Variants in PHC3 observed in about 807,000 individuals in gnomAD.
PHC3 encodes polyhomeotic homolog 3.
A neutral mutation model predicts 107.4 loss-of-function variants in PHC3; 13 were observed. That is an observed-to-expected ratio of 0.12 (90% CI 0.08 to 0.19). The LOEUF (loss-of-function observed/expected upper bound fraction) is 0.19. Among genes scored for constraint, PHC3 ranks in the 10% least tolerant of loss-of-function variants. The probability of loss-of-function intolerance (pLI) is 1.00; values close to 1 mark genes in which losing one functional copy is unlikely to be tolerated. For missense variants in PHC3, 992 were observed against 1,210.9 expected (o/e 0.82, Z 2.68); for synonymous variants, 456 against 427.4 (o/e 1.07, Z -0.83).
chr3:170,161,669 C>G (rs1252621819), intron 4 of PHC3, among the ~76,000 whole-genome samples: 1 of 152,164 alleles, frequency 6.6e-6, no homozygotes, highest in Non-Finnish European at 1.5e-5. Flanking sequence ...TGGCCTGACC[C>G]CTGACTTAAA....
intron 10 of PHC3, among the ~76,000 whole-genome samples, chr3:170,116,947 C>T (rs1043252533): frequency 1.3e-5 from 2 of 151,958 alleles, no homozygotes; most frequent in Non-Finnish European, 2.9e-5. Flanking sequence ...AAGTTGATTT[C>T]ACTGAATAAA....
At position 170,089,914 on chromosome 3, in the gene PHC3, C is replaced by CAAAAAAAAAAA. The variant is rs1178846219; in HGVS notation, c.*7305_*7315dup. ...CCTGGGCAACAGAGCGAACCCATCTCAAAAAAAAAAAAAAGAAAAAAAAAA... is the reference window on the plus strand; with the variant it reads ...CCTGGGCAACAGAGCGAACCCATCTCAAAAAAAAAAAAAAAAAAAAAAAAAGAAAAAAAAAA... On this transcript the variant is annotated 3_prime_UTR_variant, in exon 15 of 15. Transcript: ENST00000495893. The CAAAAAAAAAAA allele has an allele frequency of 2.3e-5, 1 of 43,616 alleles. No individual in the cohort carries two copies. Among genetic ancestry groups the CAAAAAAAAAAA allele is most frequent in the Non-Finnish European group, 5.3e-5 (1 of 19,010 alleles). The allele number at this position is 43,616 out of a possible 1,614,324, so 2.7% of individuals were successfully genotyped here. A position where few individuals can be genotyped will look rare whatever the true frequency, so the allele number is the denominator to read the frequency against.
In PHC3 at chr3:170,151,061, A is replaced by C. The variant is rs140198331; in HGVS notation, c.415-1817T>G. Among the ~76,000 whole-genome samples, 594 of 152,156 alleles carry C rather than the reference A, an allele frequency of 3.9e-3. 19 individuals are homozygous for C. The East Asian group carries it at 0.098, about 25-fold the overall frequency. Reference sequence around the variant, plus strand: ...TCCCATTTCTACTAAAAATACAAAAATTAGCCAGGTGTGATGGCACGCGCC... The same window carrying C: ...TCCCATTTCTACTAAAAATACAAAACTTAGCCAGGTGTGATGGCACGCGCC... On this transcript the variant is annotated intron_variant, in intron 4 of 14. Coordinates refer to ENST00000495893, the MANE Select transcript of PHC3 (RefSeq NM_024947.4).
intron 4 of PHC3, among the ~76,000 whole-genome samples, chr3:170,158,361 C>T (rs1727226968): frequency 6.6e-6 from 1 of 151,430 alleles, no homozygotes; most frequent in Non-Finnish European, 1.5e-5. Context: ...TCCATCTCAA[C>T]AAAAAATCGA....
chr3:170,148,950 A>C, intron 5 of PHC3, 136 bp downstream of exon 5: 1 of 768,560 alleles, frequency 1.3e-6, no homozygotes, highest in Admixed American at 2.8e-5. Context: ...CAAGAGCTGA[A>C]GGCACGCCCG....
chr3:170,096,020 C>T lies in PHC3; in HGVS notation c.*1210G>A, dbSNP rs1347700092. The T allele has an allele frequency of 6.6e-6, 1 of 152,152 alleles. No individual in the cohort carries two copies. Among genetic ancestry groups the T allele is most frequent in the Non-Finnish European group, 1.5e-5 (1 of 68,022 alleles). 9.4% of individuals were successfully genotyped at this position (152,152 alleles called of 1,614,324 possible). ...AGAGCAACCACGTATCTGCTACAAA[C>T]TATTTTCTTGCCAGAAAAGGCTGTG... On this transcript the variant is annotated 3_prime_UTR_variant, in exon 15 of 15. Coordinates refer to ENST00000495893, the MANE Select transcript of PHC3 (RefSeq NM_024947.4).
At chr3:170,179,458 TAAA>T (rs1484138370) in intron 1 of PHC3, among the ~76,000 whole-genome samples, 1 of 152,184 alleles carries the variant, frequency 6.6e-6, no homozygotes, top group Non-Finnish European at 1.5e-5. Flanking sequence ...TAAAAAATGT[TAAA>T]AAGTAATTTT....
intron 5 of PHC3, chr3:170,147,554 CTT>C (rs1272673873): frequency 1.6e-4 from 24 of 152,222 alleles, no homozygotes; most frequent in South Asian, 6.2e-4. Flanking sequence ...AAATTTTTCT[CTT>C]GTTATTATTC....
At chr3:170,120,908 C>T (rs748566213) in intron 9 of PHC3, among the ~76,000 whole-genome samples, 1 of 152,066 alleles carries the variant, frequency 6.6e-6, no homozygotes, top group East Asian at 1.9e-4. Context: ...AGAATACGTA[C>T]AACAAAGCCG....
At chr3:170,158,681 C>T (rs994653712) in intron 4 of PHC3, among the ~76,000 whole-genome samples, 1 of 151,710 alleles carries the variant, frequency 6.6e-6, no homozygotes, top group African/African-American at 2.4e-5. Flanking sequence ...AACCCCAGCA[C>T]TCTGGGAGGC....
chr3:170,120,296 CAAT>C (rs946001784), intron 9 of PHC3, among the ~76,000 whole-genome samples: 27 of 152,134 alleles, frequency 1.8e-4, no homozygotes, highest in Admixed American at 5.2e-4. Context: ...AATAAAAAGA[CAAT>C]AATAGGCCAG....
intron 5 of PHC3, among the ~76,000 whole-genome samples, chr3:170,146,165 AG>A (rs1168260638): frequency 6.6e-6 from 1 of 152,194 alleles, no homozygotes; most frequent in Non-Finnish European, 1.5e-5. Flanking sequence ...ACTGGAGGTC[AG>A]GAGTTCAAGA....
At chr3:170,150,862 C>T (rs1051541049) in intron 4 of PHC3, among the ~76,000 whole-genome samples, 1 of 151,806 alleles carries the variant, frequency 6.6e-6, no homozygotes, top group African/African-American at 2.4e-5. Context: ...AAAGCATACT[C>T]TTTTTTTTAT....
chr3:170,149,312 G>A (rs974754050), intron 4 of PHC3, 68 bp from the exon 5 acceptor site: 97 of 1,468,730 alleles, frequency 6.6e-5, no homozygotes, highest in Admixed American at 2.6e-4. Flanking sequence ...ATTTCACACC[G>A]AGCTGCAGTT....
chr3:170,093,852 C>T lies in PHC3; in HGVS notation c.*3378G>A, dbSNP rs1463704611. ...TCATAGTTCTAAGTATTTTGATACA[C>T]CAGGAAACAAAAATCAACTGGGATC... On this transcript the variant is annotated 3_prime_UTR_variant, in exon 15 of 15. Transcript: ENST00000495893. 3 of 152,020 alleles carry T rather than the reference C, an allele frequency of 2.0e-5. No homozygotes were observed. Among genetic ancestry groups the T allele is most frequent in the Non-Finnish European group, 2.9e-5 (2 of 68,002 alleles). 9.4% of individuals were successfully genotyped at this position (152,020 alleles called of 1,614,324 possible). A position where few individuals can be genotyped will look rare whatever the true frequency, so the allele number is the denominator to read the frequency against.
At chr3:170,172,431 T>C in intron 3 of PHC3, 126 bp downstream of exon 3, 2 of 1,025,734 alleles carry the variant, frequency 1.9e-6, no homozygotes, top group South Asian at 3.5e-5. Context: ...TATTAATATA[T>C]TTCCTCCGGG....
In PHC3 at chr3:170,106,427, T is replaced by C. The variant is rs190444096; in HGVS notation, c.2468+405A>G. Among the ~76,000 whole-genome samples the C allele has an allele frequency of 6.8e-4, 103 of 152,228 alleles. 1 individual carries two copies. Among genetic ancestry groups the C allele is most frequent in the African/African-American group, 2.4e-3 (98 of 41,548 alleles). ...ACAACACAAAGTAAATCAAAGTATT[T>C]CAATAATGATAAAACAGCTGATAAA... On this transcript the variant is annotated intron_variant, in intron 12 of 14. Coordinates refer to ENST00000495893, the MANE Select transcript of PHC3 (RefSeq NM_024947.4).
Position 170,096,687 on chromosome 3 carries a change from C to G in PHC3, c.*543G>C, listed in dbSNP as rs1384630663. 1 of 152,186 alleles carries G rather than the reference C, an allele frequency of 6.6e-6. No homozygotes were observed. The highest frequency in any genetic ancestry group is 1.5e-5 in the Non-Finnish European group (1 of 68,034). The allele number at this position is 152,186 out of a possible 1,614,324, so 9.4% of individuals were successfully genotyped here. On this transcript the variant is annotated 3_prime_UTR_variant, in exon 15 of 15. Transcript: ENST00000495893. ...CACTTCCAGATCAGTATTGTTCATA[C>G]TAGAACACAATTCCTTTTTTATAGA... is the stretch of plus-strand genomic sequence containing the variant.
chr3:170,130,928 C>T (rs867293430), intron 7 of PHC3, among the ~76,000 whole-genome samples: 4 of 151,268 alleles, frequency 2.6e-5, no homozygotes, highest in South Asian at 4.2e-4. Context: ...TTTTCCTAAC[C>T]TTGGAATATT....
Sources: gnomAD v4.1 joint callset for allele counts (sites outside exome capture counted in the v4.1 genomes callset) on GRCh38, gnomAD v4.1.1 for gene constraint, MANE v1.5 for transcripts, NCBI Gene and HGNC (gene_info 2026-07-23, HGNC 2026-07-21) for gene names.